The following APC variants were observed in gnomAD, a reference collection of about 807,000 sequenced individuals.
APC encodes the protein adenomatous polyposis coli protein.
A neutral mutation model predicts 247.0 loss-of-function variants in APC; 72 were observed. The observed-to-expected ratio is 0.29, with a 90% CI of 0.24 to 0.35. The LOEUF (loss-of-function observed/expected upper bound fraction) is 0.35, where lower values mean the gene tolerates loss of function less well. Ranked by LOEUF, APC falls within the 10% of genes least tolerant of loss-of-function variation. The pLI is 1.00. For synonymous variants in APC, 1,254 were observed against 1,162.5 expected (o/e 1.08, Z -1.60); for missense variants, 3,400 against 3,360.7 (o/e 1.01, Z -0.29).
intron 1 of APC, among the ~76,000 whole-genome samples, chr5:112,716,866 ATCT>A (rs202114198): frequency 4.5e-4 from 68 of 152,236 alleles, no homozygotes; most frequent in East Asian, 2.5e-3. Flanking sequence ...TTATAGTTTG[ATCT>A]TCTTTTACTA....
rs186951633 is a variant in APC at position 112,730,145 on chromosome 5, G to A, written c.165+22263G>A. Reference sequence around the variant, plus strand: ...AAAATTTATGGGTGGATTCATTGTAGATTCTAAAAGGACATTTTCAAATCT... The same window carrying A: ...AAAATTTATGGGTGGATTCATTGTAAATTCTAAAAGGACATTTTCAAATCT... On this transcript the variant is annotated intron_variant, in intron 1 of 13. Coordinates refer to the APC transcript ENST00000507379. 6.1e-3 allele frequency among the ~76,000 whole-genome samples: 925 copies of A among 152,288 alleles called. 7 individuals are homozygous for A. Among genetic ancestry groups the A allele is most frequent in the Middle Eastern group, 0.01 (3 of 294 alleles).
chr5:112,810,543 T>C (rs924250621), intron 8 of APC, among the ~76,000 whole-genome samples: 1 of 152,188 alleles, frequency 6.6e-6, no homozygotes, highest in Non-Finnish European at 1.5e-5. Flanking sequence ...CATAAATGTA[T>C]ATCGACAGCA....
intron 1 of APC, among the ~76,000 whole-genome samples, chr5:112,713,170 CAAA>C (rs10625710): frequency 2.8e-5 from 3 of 107,884 alleles, no homozygotes; most frequent in African/African-American, 1.3e-4. Flanking sequence ...GACTCCATAG[CAAA>C]AAAAAAAAAA....
rs377040690 is a variant in APC, at chr5:112,841,399, G to A, written c.5805G>A (p.Gln1935=). 7.4e-5 allele frequency: 119 copies of A among 1,613,730 alleles called. No homozygotes were observed. The highest frequency in any genetic ancestry group is 9.2e-5 in the Non-Finnish European group (109 of 1,179,838). ...TTCAGAAACAATCCACTTTTCCCCAGTCATCCAAAGACATACCAGACAGAG... is the reference window on the plus strand; with the variant it reads ...TTCAGAAACAATCCACTTTTCCCCAATCATCCAAAGACATACCAGACAGAG... ...PILQKQSTFP[Q]SSKDIPDRGA... is the part of the protein sequence containing the mutation. The change falls in exon 16 of 16, where the codon CAG becomes CAA. Residue 1935 remains glutamine (Q), a synonymous_variant. Transcript: ENST00000257430. This position sits in a 1 kb window ranked among gnomAD's most constrained non-coding sequence, Gnocchi z 4.6.
intron 5 of APC, among the ~76,000 whole-genome samples, chr5:112,776,912 A>G (rs1161281744): frequency 6.6e-6 from 1 of 152,136 alleles, no homozygotes; most frequent in Non-Finnish European, 1.5e-5. Context: ...TGTCCATTTA[A>G]CTGTCTTGTT....
chr5:112,766,091 T>C (rs539169000), intron 2 of APC, among the ~76,000 whole-genome samples: 1 of 152,278 alleles, frequency 6.6e-6, no homozygotes, highest in South Asian at 2.1e-4. Context: ...ATCTTAAATG[T>C]GTTTCTAATA....
At position 112,712,182 on chromosome 5, in the gene APC, T is replaced by C. The variant is rs540402979; in HGVS notation, c.165+4300T>C. Among the ~76,000 whole-genome samples, 25 of 152,326 alleles carry C rather than the reference T, an allele frequency of 1.6e-4. 1 individual carries two copies. Among genetic ancestry groups the C allele is most frequent in the Middle Eastern group, 3.4e-3 (1 of 294 alleles). On this transcript the variant is annotated intron_variant, in intron 1 of 13. Transcript: ENST00000507379. ...CAGTGTCCTCAAGGTTCCATATGCTTTTCACTGTGTTCTCTTGGTGATCAT... is the reference window on the plus strand; with the variant it reads ...CAGTGTCCTCAAGGTTCCATATGCTCTTCACTGTGTTCTCTTGGTGATCAT...
chr5:112,762,586 A>G (rs778020401), intron 2 of APC, among the ~76,000 whole-genome samples: 4 of 152,212 alleles, frequency 2.6e-5, no homozygotes, highest in Admixed American at 6.5e-5. Flanking sequence ...AAAAAGTGAG[A>G]CACAAAATAC....
chr5:112,797,605 C>A (rs1760351630), intron 7 of APC, among the ~76,000 whole-genome samples: 3 of 152,102 alleles, frequency 2.0e-5, no homozygotes, highest in Admixed American at 2.0e-4. Flanking sequence ...TGTGTTCTTC[C>A]AGACATAGTT....
intron 8 of APC, among the ~76,000 whole-genome samples, chr5:112,804,599 C>T (rs1199204076): frequency 6.6e-6 from 1 of 152,182 alleles, no homozygotes; most frequent in African/African-American, 2.4e-5. Flanking sequence ...AGGATAGTCT[C>T]AATCTCTTGA....
intron 1 of APC, among the ~76,000 whole-genome samples, chr5:112,730,824 G>A (rs996711256): frequency 1.3e-5 from 2 of 151,982 alleles, no homozygotes; most frequent in African/African-American, 4.8e-5. Flanking sequence ...TTCAGTTAGT[G>A]TCGAACCTAG....
chr5:112,844,212 C>A lies in APC; in HGVS notation c.*86C>A, dbSNP rs1804197. On this transcript the variant is annotated 3_prime_UTR_variant, in exon 16 of 16. Coordinates refer to ENST00000257430, the MANE Select transcript of APC (RefSeq NM_000038.6). The stretch of plus-strand genomic sequence containing the variant: ...TTGTTTCAAATGAAACTTTAAAAGA[C>A]TGAAAAATTTTGTAAATAGGTTTGA... The A allele has an allele frequency of 0.035, 46,489 of 1,314,438 alleles. 2,114 individuals are homozygous for A. The highest frequency in any genetic ancestry group is 0.19 in the African/African-American group (12,328 of 66,574). The allele number at this position is 1,314,438 out of a possible 1,614,324, so 81.4% of individuals were successfully genotyped here.
chr5:112,707,735 C>T lies in APC; in HGVS notation c.18C>T (p.Gly6=), dbSNP rs2149630522. The change falls in exon 1 of 14, where the codon GGC becomes GGT. Residue 6 remains glycine (G), a synonymous_variant. Transcript: ENST00000507379. Reference sequence around the variant, plus strand: ...CGCCCCCTATGTACGCCTCCCTGGGCTCGGGTCCGGTCGCCCCTTTGCCCG... The same window carrying T: ...CGCCCCCTATGTACGCCTCCCTGGGTTCGGGTCCGGTCGCCCCTTTGCCCG... 7.3e-7 allele frequency: 1 copy of T among 1,370,656 alleles called. No homozygotes were observed. Among genetic ancestry groups the T allele is most frequent in the Non-Finnish European group, 9.6e-7 (1 of 1,038,804 alleles). The allele number at this position is 1,370,656 out of a possible 1,614,324, so 84.9% of individuals were successfully genotyped here.
At position 112,819,323 on chromosome 5, in the gene APC, A is replaced by G. The variant is rs730881235; in HGVS notation, c.1291A>G (p.Met431Val). Residue 431 changes from methionine to valine, a missense_variant, in exon 10 of 16, where the codon ATG becomes GTG. Physicochemically the swap from Met to Val is conservative, Grantham distance 21 (BLOSUM62 1). Transcript: ENST00000257430. ...GTGGCAGGAAGCTCATGAACCAGGC[A>G]TGGACCAGGACAAAAATCCAAGTAT... ...WEWQEAHEPG[M>V]DQDKNPMPAP... The G allele has an allele frequency of 3.7e-6, 6 of 1,613,962 alleles. No homozygotes were observed. The highest frequency in any genetic ancestry group is 4.5e-5 in the East Asian group (2 of 44,886).
intron 1 of APC, among the ~76,000 whole-genome samples, chr5:112,744,600 A>G (rs577201361): frequency 6.2e-4 from 94 of 152,334 alleles, no homozygotes; most frequent in African/African-American, 2.0e-3. Context: ...GGTTTTGTGT[A>G]AGAAACTGAG....
chr5:112,832,541 A>T (rs1395408534), intron 14 of APC, among the ~76,000 whole-genome samples: 1 of 152,244 alleles, frequency 6.6e-6, no homozygotes, highest in Non-Finnish European at 1.5e-5. Context: ...GTTTGCTGTG[A>T]CATTCAAGGC....
intron 1 of APC, among the ~76,000 whole-genome samples, chr5:112,710,248 C>T (rs540286911): frequency 6.6e-6 from 1 of 152,284 alleles, no homozygotes; most frequent in South Asian, 2.1e-4. Context: ...CCAGTTGGTG[C>T]TCTCTGCTGG....
intron 6 of APC, among the ~76,000 whole-genome samples, chr5:112,787,734 C>T (rs890411357): frequency 4.6e-5 from 7 of 152,168 alleles, no homozygotes; most frequent in African/African-American, 1.7e-4. Context: ...CCCACCAAAT[C>T]TGTTATCTGT....
upstream of APC, among the ~76,000 whole-genome samples, chr5:112,734,764 G>T (rs1350454015): frequency 6.7e-6 from 1 of 150,014 alleles, no homozygotes; most frequent in Non-Finnish European, 1.5e-5. Flanking sequence ...AAAATGGAAT[G>T]GAAAGGGTTT....
Sources: gnomAD v4.1 joint callset for allele counts (sites outside exome capture counted in the v4.1 genomes callset) on GRCh38, gnomAD v4.1.1 for gene constraint, Gnocchi (gnomAD v3.1) non-coding constraint, MANE v1.5 for transcripts, NCBI Gene and HGNC (gene_info 2026-07-23, HGNC 2026-07-21) for gene names.